SAMSN1: variants seen among roughly 807,000 people sequenced by gnomAD.
SAMSN1 encodes the protein SAM domain, SH3 domain and nuclear localization signals 1, also known as SAM domain-containing protein SAMSN-1.
A neutral mutation model predicts 42.0 loss-of-function variants in SAMSN1; 31 were observed. The ratio of observed to expected loss-of-function variants is 0.74; its 90% CI spans 0.55 to 1.00. The LOEUF is 1.00. Among genes scored for constraint, SAMSN1 ranks in the 50% least tolerant of loss-of-function variants. SAMSN1 has a pLI of 0.00. For synonymous variants in SAMSN1, 178 were observed against 151.9 expected, an observed-to-expected ratio of 1.17 and a Z score of -1.26; for missense variants, 464 against 439.4, an observed-to-expected ratio of 1.06 and a Z score of -0.50.
At chr21:14,538,717 T>C (rs1238950021) in intron 1 of SAMSN1, among the ~76,000 whole-genome samples, 2 of 152,180 alleles carry the variant, frequency 1.3e-5, no homozygotes, top group African/African-American at 4.8e-5. Context: ...CAGCTCATAA[T>C]CAACTCATCA....
intron 2 of SAMSN1, among the ~76,000 whole-genome samples, chr21:14,578,079 A>AT (rs1012764375): frequency 3.9e-5 from 6 of 152,276 alleles, no homozygotes; most frequent in Admixed American, 1.3e-4. Context: ...GGGTGCTTTG[A>AT]TTTTTGCAAT....
At position 14,500,684 on chromosome 21, in the gene SAMSN1, C is replaced by A; in HGVS notation, c.613G>T (p.Gly205Ter). ...ICKTPMGMWT[G>*]MLNNKVGNFK... The stretch of plus-strand genomic sequence containing the variant: ...TTTCCCACTTTATTGTTCAACATTC[C>A]TGTCCACATCCCCATTGGTGTTTTG... The change falls in exon 6 of 8, where the codon GGA becomes TGA. Residue 205 changes from glycine (G) to a stop codon, truncating the protein, a stop_gained. Coordinates refer to ENST00000400566, the MANE Select transcript of SAMSN1 (RefSeq NM_022136.5). LOFTEE classifies it high-confidence loss of function. 6.2e-7 allele frequency: 1 copy of A among 1,614,080 alleles called. No individual in the cohort carries two copies. The highest frequency in any genetic ancestry group is 1.3e-5 in the African/African-American group (1 of 75,042).
At chr21:14,536,685 AAAG>A (rs149732490) in intron 1 of SAMSN1, among the ~76,000 whole-genome samples, 2,595 of 152,224 alleles carry the variant, frequency 0.017, 62 homozygotes, top group African/African-American at 0.052. Context: ...TATGTTTAAG[AAAG>A]AAGAAGAAGA....
At chr21:14,566,406 T>C (rs1228392472) in intron 2 of SAMSN1, among the ~76,000 whole-genome samples, 3 of 152,174 alleles carry the variant, frequency 2.0e-5, no homozygotes. Flanking sequence ...TAAAGGAAGA[T>C]TTTTAAAGTA....
chr21:14,546,233 G>A lies in SAMSN1; in HGVS notation c.29C>T (p.Ser10Leu). 3 of 1,613,426 alleles carry A rather than the reference G, an allele frequency of 1.9e-6. No individual in the cohort carries two copies. The highest frequency in any genetic ancestry group is 2.5e-6 in the Non-Finnish European group (3 of 1,179,682). The change falls in exon 1 of 8, where the codon TCA becomes TTA. Residue 10 changes from serine to leucine, a missense_variant. Physicochemically the swap from Ser to Leu is moderately radical, Grantham distance 145. Transcript: ENST00000400566. ...TGGTTTTTGATGTTTCTCCTTCTCTGAAACATTGGATGGCTTTCTCTTGAG... is the reference window on the plus strand; with the variant it reads ...TGGTTTTTGATGTTTCTCCTTCTCTAAAACATTGGATGGCTTTCTCTTGAG... MLKRKPSNVSEKEKHQKPKR... is the reference protein window; with the variant it reads MLKRKPSNVLEKEKHQKPKR...
At chr21:14,623,892 C>G (rs1983089679) in intron 2 of SAMSN1, among the ~76,000 whole-genome samples, 1 of 152,132 alleles carries the variant, frequency 6.6e-6, no homozygotes, top group Admixed American at 6.6e-5. Context: ...CACTCCTCAG[C>G]AAATGTAAAA....
Position 14,515,575 on chromosome 21 carries a change from T to G in SAMSN1, c.279+1317A>C, listed in dbSNP as rs149845594. Reference sequence around the variant, plus strand: ...AACATGGGAATAAATCTTCATTACATTAGATTAGACAATGGTTTGTTAAAT... The same window carrying G: ...AACATGGGAATAAATCTTCATTACAGTAGATTAGACAATGGTTTGTTAAAT... On this transcript the variant is annotated intron_variant, in intron 3 of 7. Transcript: ENST00000400566. Among the ~76,000 whole-genome samples, 464 of 152,238 alleles carry G rather than the reference T, an allele frequency of 3.0e-3. 3 individuals are homozygous for G. The highest frequency in any genetic ancestry group is 0.011 in the African/African-American group (438 of 41,536).
intron 2 of SAMSN1, among the ~76,000 whole-genome samples, chr21:14,569,991 C>T (rs572508843): frequency 3.4e-4 from 51 of 151,874 alleles, no homozygotes; most frequent in Non-Finnish European, 6.8e-4. Flanking sequence ...CTTTCCCCCC[C>T]CCCAGTTTTT....
At chr21:14,516,203 A>G (rs903415967) in intron 3 of SAMSN1, among the ~76,000 whole-genome samples, 6 of 152,250 alleles carry the variant, frequency 3.9e-5, no homozygotes, top group African/African-American at 1.2e-4. Context: ...ATTATTCATA[A>G]TAGCCAAAAA....
intron 2 of SAMSN1, among the ~76,000 whole-genome samples, chr21:14,568,749 C>T (rs185458287): frequency 1.3e-5 from 2 of 152,166 alleles, no homozygotes; most frequent in African/African-American, 4.8e-5. Context: ...AGAAAGATTT[C>T]TCCACTGAAA....
At chr21:14,517,912 C>T (rs1028273) in intron 2 of SAMSN1, among the ~76,000 whole-genome samples, 42,729 of 152,174 alleles carry the variant, frequency 0.28, 6,724 homozygotes, top group Non-Finnish European at 0.35. Flanking sequence ...CCCTCGCTCA[C>T]TAGATCAGTG....
intron 2 of SAMSN1, among the ~76,000 whole-genome samples, chr21:14,626,572 A>T (rs952005577): frequency 2.6e-5 from 4 of 152,236 alleles, no homozygotes; most frequent in African/African-American, 9.6e-5. Context: ...CAAAACCACA[A>T]TGAGATACCA....
chr21:14,492,012 T>C lies in SAMSN1; in HGVS notation c.920-5898A>G, dbSNP rs541421159. On this transcript the variant is annotated intron_variant, in intron 7 of 7. Transcript: ENST00000400566. ...ATATCATTTTTTTAACATAACACCT[T>C]CAAAACTACTTCATTGTTTGGGTAT... is the stretch of plus-strand genomic sequence containing the variant. Among the ~76,000 whole-genome samples the C allele has an allele frequency of 2.0e-5, 3 of 152,234 alleles. No homozygotes were observed. The South Asian group carries it at 6.2e-4, about 32-fold the overall frequency.
At chr21:14,659,265 TA>T (rs957126789), upstream of SAMSN1, among the ~76,000 whole-genome samples, 2 of 152,042 alleles carry the variant, frequency 1.3e-5, no homozygotes, top group African/African-American at 4.8e-5. Flanking sequence ...AACACATTTT[TA>T]AATGGCAAGA....
At chr21:14,577,234 GTGTGTATATATATA>G (rs1226368224) in intron 2 of SAMSN1, among the ~76,000 whole-genome samples, 397 of 21,296 alleles carry the variant, frequency 0.019, 21 homozygotes, top group East Asian at 0.086. Context: ...TTATATATAT[GTGTGTATATATATA>G]TATATATATA....
At chr21:14,605,838 TTATTTATTTATTTA>T (rs1196537642) in intron 5 of SAMSN1, among the ~76,000 whole-genome samples, 2 of 150,588 alleles carry the variant, frequency 1.3e-5, no homozygotes, top group African/African-American at 4.9e-5. Context: ...ATTTATTTAT[TTATTTATTTATTTA>T]TTTTTTTGAG....
At chr21:14,534,524 C>CT (rs11382147) in intron 1 of SAMSN1, among the ~76,000 whole-genome samples, 89,354 of 145,926 alleles carry the variant, frequency 0.61, 28,225 homozygotes, top group African/African-American at 0.81. Flanking sequence ...GACTTTTTTT[C>CT]TTTTTTTTTT....
At chr21:14,486,197 C>T (rs1986428614) in intron 7 of SAMSN1, 83 bp from the exon 8 acceptor site, 3 of 903,946 alleles carry the variant, frequency 3.3e-6, no homozygotes, top group Non-Finnish European at 5.3e-6. Flanking sequence ...AAGTATTATC[C>T]TATTTTAACT....
intron 2 of SAMSN1, among the ~76,000 whole-genome samples, chr21:14,638,285 CATT>C (rs1270562049): frequency 6.6e-6 from 1 of 151,762 alleles, no homozygotes; most frequent in Non-Finnish European, 1.5e-5. Flanking sequence ...ATCAAATCAT[CATT>C]ACAAAATTAT....
Sources: gnomAD v4.1 joint callset for allele counts (sites outside exome capture counted in the v4.1 genomes callset) on GRCh38, gnomAD v4.1.1 for gene constraint, MANE v1.5 for transcripts, NCBI Gene and HGNC (gene_info 2026-07-23, HGNC 2026-07-21) for gene names.